Variants in ZDHHC2 observed in about 807,000 individuals in gnomAD.
ZDHHC2 encodes zDHHC palmitoyltransferase 2.
Under a neutral mutation model 55.6 loss-of-function variants are expected in ZDHHC2, and 51 were observed. That is an observed-to-expected ratio of 0.92 (90% CI 0.73 to 1.16). The LOEUF (loss-of-function observed/expected upper bound fraction) is 1.16, where lower values mean the gene tolerates loss of function less well. Ranked by LOEUF, ZDHHC2 falls within the 50% of genes most tolerant of loss-of-function variation. The pLI is 0.00. For missense variants in ZDHHC2, 491 were observed against 442.4 expected (o/e 1.11, Z -0.99); for synonymous variants, 199 against 152.9 (o/e 1.30, Z -2.22).
At chr8:17,182,817 A>C (rs780174366) in intron 1 of ZDHHC2, among the ~76,000 whole-genome samples, 1 of 152,152 alleles carries the variant, frequency 6.6e-6, no homozygotes, top group Admixed American at 6.5e-5. Flanking sequence ...GCTGGAGCGC[A>C]GTGGCGTGAT....
rs925941121 is a variant in ZDHHC2, at chr8:17,221,594, C to A, written c.*1373C>A. On this transcript the variant is annotated 3_prime_UTR_variant, in exon 13 of 13. Transcript: ENST00000262096. ...TCTTTGTTAAACCAAACATTCAACA[C>A]AAAATAAACTAGAAGGCCAGAGGAT... The A allele has an allele frequency of 3.9e-5, 6 of 152,220 alleles. No homozygotes were observed. Among genetic ancestry groups the A allele is most frequent in the African/African-American group, 1.2e-4 (5 of 41,384 alleles). 9.4% of individuals were successfully genotyped at this position (152,220 alleles called of 1,614,324 possible).
At position 17,221,434 on chromosome 8, in the gene ZDHHC2, T is replaced by G. The variant is rs1807914192; in HGVS notation, c.*1213T>G. 6.6e-6 allele frequency: 1 copy of G among 152,540 alleles called. No homozygotes were observed. Among genetic ancestry groups the G allele is most frequent in the African/African-American group, 2.4e-5 (1 of 41,458 alleles). The allele number at this position is 152,540 out of a possible 1,614,324, so 9.4% of individuals were successfully genotyped here. A position where few individuals can be genotyped will look rare whatever the true frequency, so the allele number is the denominator to read the frequency against. ...GAGTCCAGTATAATTCATGTAAATG[T>G]TAACAATTAGAATAATACTCTGTAT... is the stretch of plus-strand genomic sequence containing the variant. On this transcript the variant is annotated 3_prime_UTR_variant, in exon 13 of 13. Coordinates refer to ENST00000262096, the MANE Select transcript of ZDHHC2 (RefSeq NM_016353.5).
intron 8 of ZDHHC2, among the ~76,000 whole-genome samples, chr8:17,209,183 CCT>C (rs1298353063): frequency 9.9e-5 from 15 of 152,122 alleles, no homozygotes; most frequent in African/African-American, 3.6e-4. Context: ...AGTCCCAGAG[CCT>C]CTCTGAACCA....
At chr8:17,217,068 C>A (rs1005903910) in intron 11 of ZDHHC2, 104 bp from the exon 12 acceptor site, 2 of 1,106,738 alleles carry the variant, frequency 1.8e-6, no homozygotes, top group Non-Finnish European at 2.7e-6. Flanking sequence ...TACAAGGCAC[C>A]TTTGGAAGTC....
In ZDHHC2 at chr8:17,186,373, T is replaced by G; in HGVS notation, c.200T>G (p.Val67Gly). The G allele has an allele frequency of 1.9e-6, 3 of 1,592,962 alleles. No homozygotes were observed. The highest frequency in any genetic ancestry group is 2.3e-5 in the South Asian group (2 of 86,180). Residue 67 changes from valine to glycine, a missense_variant, in exon 3 of 13, where the codon GTC (valine) becomes GGC (glycine). Physicochemically the swap from Val to Gly is moderately radical, Grantham distance 109. Transcript: ENST00000262096. ...TATCATCTACTTTTTGCAATGTTTG[T>G]CTGGTCATACTGGAAAACTATCTTT... The part of the protein sequence containing the change: ...MAYHLLFAMF[V>G]WSYWKTIFTL...
chr8:17,210,017 T>C lies in ZDHHC2; in HGVS notation c.816T>C (p.Phe272=), dbSNP rs749887568. Reference sequence around the variant, plus strand: ...TCAGTAAAAACATGCGACAAGTTTTTGGTGATGAGAAGAAGTACTGGTTGC... The same window carrying C: ...TCAGTAAAAACATGCGACAAGTTTTCGGTGATGAGAAGAAGTACTGGTTGC... ...LGFSKNMRQV[F]GDEKKYWLLP... is the part of the protein sequence containing the mutation. Residue 272 remains phenylalanine (F), a synonymous_variant, in exon 9 of 13, where the codon TTT becomes TTC. Coordinates refer to ENST00000262096, the MANE Select transcript of ZDHHC2 (RefSeq NM_016353.5). 6.2e-7 allele frequency: 1 copy of C among 1,609,182 alleles called. No homozygotes were observed. The highest frequency in any genetic ancestry group is 8.5e-7 in the Non-Finnish European group (1 of 1,177,364).
At position 17,215,308 on chromosome 8, in the gene ZDHHC2, C is replaced by T. The variant is rs765725802; in HGVS notation, c.1022C>T (p.Ser341Phe). The change falls in exon 11 of 13, where the codon TCT (serine) becomes TTT (phenylalanine). Residue 341 changes from serine to phenylalanine, a missense_variant. Ser to Phe is a radical substitution (Grantham distance 155, BLOSUM62 -2). Coordinates refer to ENST00000262096, the MANE Select transcript of ZDHHC2 (RefSeq NM_016353.5). ...AGCCACCTTCTTACTGATTCTCAGT[C>T]TTGGACGGAGAGCAGCATAAACCCA... is the stretch of plus-strand genomic sequence containing the variant. ...SQSHLLTDSQ[S>F]WTESSINPGK... 9 of 1,597,298 alleles carry T rather than the reference C, an allele frequency of 5.6e-6. No individual in the cohort carries two copies. The highest frequency in any genetic ancestry group is 7.7e-6 in the Non-Finnish European group (9 of 1,171,394).
intron 1 of ZDHHC2, among the ~76,000 whole-genome samples, chr8:17,158,194 T>C (rs1346672297): frequency 1.3e-5 from 2 of 152,292 alleles, no homozygotes; most frequent in East Asian, 1.9e-4. Flanking sequence ...ATCTAAAATA[T>C]ATAGGAAAGG....
intron 1 of ZDHHC2, among the ~76,000 whole-genome samples, chr8:17,173,508 G>A (rs755224132): frequency 1.3e-5 from 2 of 151,154 alleles, no homozygotes; most frequent in Admixed American, 6.6e-5. Flanking sequence ...AGATGCTATC[G>A]CTACAAAAAA....
chr8:17,174,044 C>T (rs1050217181), intron 1 of ZDHHC2, among the ~76,000 whole-genome samples: 18 of 151,562 alleles, frequency 1.2e-4, no homozygotes, highest in African/African-American at 1.9e-4. Context: ...TAGGAAGAGA[C>T]CAACCCTGCC....
Position 17,205,639 on chromosome 8 carries a change from T to G in ZDHHC2, c.477-16T>G, listed in dbSNP as rs1246019607. ...AGATGTAAAACTCACTGGAAATGTT[T>G]TTGTTTTGTTAACAGGGTGAACAAT... On this transcript the variant is annotated splice_polypyrimidine_tract_variant and intron_variant, in intron 6 of 12. Transcript: ENST00000262096. The G allele has an allele frequency of 6.3e-7, 1 of 1,585,332 alleles. No individual in the cohort carries two copies.
At chr8:17,203,219 C>T (rs989695921) in intron 6 of ZDHHC2, among the ~76,000 whole-genome samples, 4 of 151,750 alleles carry the variant, frequency 2.6e-5, no homozygotes, top group African/African-American at 9.7e-5. Flanking sequence ...ACCACCATGC[C>T]AAGATAATTT....
intron 7 of ZDHHC2, among the ~76,000 whole-genome samples, chr8:17,206,464 A>G (rs1383853063): frequency 6.6e-6 from 1 of 152,224 alleles, no homozygotes; most frequent in Non-Finnish European, 1.5e-5. Context: ...TTCAGTGTTC[A>G]CAAGTTCAGT....
chr8:17,166,206 G>A lies in ZDHHC2; in HGVS notation c.130+9353G>A, dbSNP rs79472280. 8.5e-3 allele frequency among the ~76,000 whole-genome samples: 1,288 copies of A among 152,316 alleles called. 16 individuals are homozygous for A. The highest frequency in any genetic ancestry group is 0.03 in the African/African-American group (1,240 of 41,566). ...GGCTACTGCATCAATCCAGGTGAGC[G>A]ATGATGGTGTGTGAAACCGTGGCGT... is the stretch of plus-strand genomic sequence containing the variant. On this transcript the variant is annotated intron_variant, in intron 1 of 12. Coordinates refer to ENST00000262096, the MANE Select transcript of ZDHHC2 (RefSeq NM_016353.5).
At chr8:17,157,730 A>C (rs1452761291) in intron 1 of ZDHHC2, among the ~76,000 whole-genome samples, 2 of 152,218 alleles carry the variant, frequency 1.3e-5, no homozygotes, top group Admixed American at 6.5e-5. Flanking sequence ...AAGATGTTAA[A>C]ACAGAAAATG....
chr8:17,169,327 T>A (rs1480437120), intron 1 of ZDHHC2, among the ~76,000 whole-genome samples: 1 of 151,622 alleles, frequency 6.6e-6, no homozygotes, highest in Non-Finnish European at 1.5e-5. Flanking sequence ...GTTGCCCATA[T>A]GGTGGCCTTC....
At chr8:17,179,835 G>A (rs7813570) in intron 1 of ZDHHC2, among the ~76,000 whole-genome samples, 150,249 of 152,356 alleles carry the variant, frequency 0.99, 74,125 homozygotes, top group East Asian at 1. Flanking sequence ...AAGTGCTGCA[G>A]TTCCCACAAT....
At position 17,208,037 on chromosome 8, in the gene ZDHHC2, G is replaced by A. The variant is rs757380713; in HGVS notation, c.675G>A (p.Leu225=). 1.3e-6 allele frequency: 2 copies of A among 1,592,812 alleles called. No homozygotes were observed. The highest frequency in any genetic ancestry group is 1.1e-5 in the South Asian group (1 of 87,878). The change falls in exon 8 of 13, where the codon TTG becomes TTA. Residue 225 remains leucine, a synonymous_variant. Coordinates refer to ENST00000262096, the MANE Select transcript of ZDHHC2 (RefSeq NM_016353.5). ...FFAAAMFSVS[L]SSLFGYHCWL... ...CTGCAGCTATGTTTTCTGTCAGCTTGTCTTCTCTGTTTGGCTATCATTGTT... is the reference window on the plus strand; with the variant it reads ...CTGCAGCTATGTTTTCTGTCAGCTTATCTTCTCTGTTTGGCTATCATTGTT...
chr8:17,181,221 A>G (rs1013706952), intron 1 of ZDHHC2, among the ~76,000 whole-genome samples: 1 of 152,178 alleles, frequency 6.6e-6, no homozygotes, highest in African/African-American at 2.4e-5. Context: ...ATTAGTTGTC[A>G]TGGTCTGTTT....
Sources: gnomAD v4.1 joint callset for allele counts (sites outside exome capture counted in the v4.1 genomes callset) on GRCh38, gnomAD v4.1.1 for gene constraint, MANE v1.5 for transcripts, NCBI Gene and HGNC (gene_info 2026-07-23, HGNC 2026-07-21) for gene names.